Variants in AGTPBP1 observed in about 807,000 individuals in gnomAD.
AGTPBP1 encodes ATP/GTP binding carboxypeptidase 1, also known as cytosolic carboxypeptidase 1.
AGTPBP1 carries 70 observed loss-of-function variants against 143.9 expected under a neutral mutation model. The ratio of observed to expected loss-of-function variants is 0.49; its 90% confidence interval spans 0.40 to 0.59. The LOEUF (loss-of-function observed/expected upper bound fraction) is 0.59. AGTPBP1 is among the 20% of genes least tolerant of loss of function. The probability of loss-of-function intolerance (pLI) is 0.00; values close to 1 mark genes in which losing one functional copy is unlikely to be tolerated. For missense variants in AGTPBP1, 1,229 were observed against 1,464.5 expected (o/e 0.84, Z 2.62); for synonymous variants, 463 against 500.2 (o/e 0.93, Z 0.99).
chr9:85,724,859 T>C (rs185605403), intron 1 of AGTPBP1, among the ~76,000 whole-genome samples: 11 of 152,312 alleles, frequency 7.2e-5, no homozygotes, highest in Admixed American at 2.6e-4. Flanking sequence ...ATTTTTTAAT[T>C]AATGAATGCT....
chr9:85,673,923 A>G (rs142415408), intron 6 of AGTPBP1, among the ~76,000 whole-genome samples: 1,994 of 152,160 alleles, frequency 0.013, 20 homozygotes, highest in Non-Finnish European at 0.021. Context: ...GATCCAGACC[A>G]TCCTGGCTAA....
intron 1 of AGTPBP1, among the ~76,000 whole-genome samples, chr9:85,721,490 C>CTTT (rs56681803): frequency 7.5e-6 from 1 of 133,188 alleles, no homozygotes; most frequent in Non-Finnish European, 1.6e-5. Flanking sequence ...GCAACCCCTG[C>CTTT]TTTTTTTTTT....
At chr9:85,597,120 A>C (rs984146734) in intron 17 of AGTPBP1, among the ~76,000 whole-genome samples, 2 of 152,100 alleles carry the variant, frequency 1.3e-5, no homozygotes, top group Non-Finnish European at 2.9e-5. Flanking sequence ...ACTTAAGGAT[A>C]GAGTCATTTT....
chr9:85,719,368 A>C (rs1837948268), intron 1 of AGTPBP1, among the ~76,000 whole-genome samples: 1 of 152,132 alleles, frequency 6.6e-6, no homozygotes. Flanking sequence ...GTTCTCCTTG[A>C]AGAGGTCCTT....
At chr9:85,602,252 G>GA (rs1457906345) in intron 17 of AGTPBP1, among the ~76,000 whole-genome samples, 3 of 151,900 alleles carry the variant, frequency 2.0e-5, no homozygotes, top group Non-Finnish European at 4.4e-5. Context: ...AAAGAAATCA[G>GA]AAAAACAATT....
chr9:85,592,930 G>A (rs1829063703), intron 18 of AGTPBP1, among the ~76,000 whole-genome samples: 1 of 152,058 alleles, frequency 6.6e-6, no homozygotes, highest in African/African-American at 2.4e-5. Context: ...AATTAAATGA[G>A]CTAATACTCT....
At chr9:85,674,080 AC>A (rs1295185803) in intron 6 of AGTPBP1, among the ~76,000 whole-genome samples, 2 of 149,018 alleles carry the variant, frequency 1.3e-5, no homozygotes, top group Admixed American at 6.7e-5. Flanking sequence ...CCGAGATCGT[AC>A]CACTGCACTC....
intron 1 of AGTPBP1, among the ~76,000 whole-genome samples, chr9:85,725,965 C>T (rs1379344665): frequency 6.7e-6 from 1 of 150,112 alleles, no homozygotes; most frequent in Non-Finnish European, 1.5e-5. Flanking sequence ...AGGAGAATTG[C>T]CTGAACCCAG....
intron 13 of AGTPBP1, among the ~76,000 whole-genome samples, chr9:85,637,935 C>T (rs768532265): frequency 7.2e-5 from 11 of 152,240 alleles, no homozygotes; most frequent in Admixed American, 2.0e-4. Flanking sequence ...CACTAAACGA[C>T]GTGATCCCAA....
chr9:85,760,036 C>T, the AGTPBP1 span, among the ~76,000 whole-genome samples: 1 of 152,046 alleles, frequency 6.6e-6, no homozygotes, highest in Non-Finnish European at 1.5e-5. Context: ...GGATAAATTC[C>T]TGGACACGTA....
intron 17 of AGTPBP1, among the ~76,000 whole-genome samples, chr9:85,614,306 A>G (rs1275810239): frequency 6.6e-6 from 1 of 152,048 alleles, no homozygotes; most frequent in Non-Finnish European, 1.5e-5. Context: ...CAACTAATAA[A>G]AAGTTCAGCA....
chr9:85,663,845 T>C (rs1833981101), intron 8 of AGTPBP1, among the ~76,000 whole-genome samples: 1 of 152,132 alleles, frequency 6.6e-6, no homozygotes, highest in African/African-American at 2.4e-5. Context: ...AATGCTTATA[T>C]ACCCAAATAA....
At chr9:85,671,154 C>T (rs554584003) in intron 7 of AGTPBP1, among the ~76,000 whole-genome samples, 2 of 151,978 alleles carry the variant, frequency 1.3e-5, no homozygotes, top group South Asian at 4.2e-4. Flanking sequence ...CACTATGTTG[C>T]CCAGGCTGGT....
chr9:85,711,501 G>A (rs28559878), intron 2 of AGTPBP1, among the ~76,000 whole-genome samples: 6 of 149,492 alleles, frequency 4.0e-5, no homozygotes, highest in Admixed American at 3.3e-4. Flanking sequence ...GTGCAGTGGC[G>A]AGATCTGGGC....
At chr9:85,578,877 T>C (rs1052493754) in intron 24 of AGTPBP1, 43 bp downstream of exon 24, 17 of 1,581,742 alleles carry the variant, frequency 1.1e-5, no homozygotes, top group Non-Finnish European at 1.5e-5. Flanking sequence ...GAAAGGAAAG[T>C]CTTCAAATAT....
intron 2 of AGTPBP1, among the ~76,000 whole-genome samples, chr9:85,696,110 G>A (rs1239571076): frequency 2.0e-5 from 3 of 152,034 alleles, no homozygotes; most frequent in Non-Finnish European, 4.4e-5. Flanking sequence ...CCAAAGTGCT[G>A]GGATTACAGG....
At chr9:85,605,776 A>G (rs995881543) in intron 17 of AGTPBP1, among the ~76,000 whole-genome samples, 1 of 152,078 alleles carries the variant, frequency 6.6e-6, no homozygotes, top group African/African-American at 2.4e-5. Flanking sequence ...AGTTTTTATT[A>G]GTTTCCTTTT....
At chr9:85,791,373 C>CA in the AGTPBP1 span, 238 of 83,668 alleles carry the variant, frequency 2.8e-3, no homozygotes, top group East Asian at 7.3e-3. Flanking sequence ...GACTCCGTCT[C>CA]AAAAAAAAAA....
At chr9:85,621,962 ATATTTAAG>A (rs1830965696) in intron 14 of AGTPBP1, among the ~76,000 whole-genome samples, 1 of 152,314 alleles carries the variant, frequency 6.6e-6, no homozygotes, top group Non-Finnish European at 1.5e-5. Flanking sequence ...TACCCCATCA[ATATTTAAG>A]CTAAGGAAGA....
Sources: gnomAD v4.1 joint callset for allele counts (sites outside exome capture counted in the v4.1 genomes callset) on GRCh38, gnomAD v4.1.1 for gene constraint, MANE v1.5 for transcripts, NCBI Gene and HGNC (gene_info 2026-07-23, HGNC 2026-07-21) for gene names.